Variants in PSMD1 observed in about 807,000 individuals in gnomAD.
PSMD1 encodes the protein 26S proteasome non-ATPase regulatory subunit 1.
In PSMD1, 18 loss-of-function variants were observed where a neutral mutation model predicts 119.0. The observed-to-expected ratio is 0.15, with a 90% CI of 0.10 to 0.22. The LOEUF (loss-of-function observed/expected upper bound fraction) is 0.22. Among genes scored for constraint, PSMD1 ranks in the 10% least tolerant of loss-of-function variants. PSMD1 has a pLI of 1.00. For synonymous variants in PSMD1, 374 were observed against 396.6 expected, an observed-to-expected ratio of 0.94 and a Z score of 0.68; for missense variants, 702 against 1,158.5, an observed-to-expected ratio of 0.61 and a Z score of 5.72.
chr2:231,141,538 T>A (rs1054217829), intron 17 of PSMD1, among the ~76,000 whole-genome samples: 1 of 150,270 alleles, frequency 6.7e-6, no homozygotes, highest in Non-Finnish European at 1.5e-5. Context: ...TAAGCAAGCC[T>A]CCCAATTAGC....
At chr2:231,079,393 T>C (rs1224497565) in intron 10 of PSMD1, 143 bp from the exon 11 acceptor site, 2 of 467,612 alleles carry the variant, frequency 4.3e-6, no homozygotes, top group Non-Finnish European at 3.9e-6. Context: ...AGAGTTAAAA[T>C]AGAATCAGTA....
At chr2:231,113,707 C>T (rs762340205) in intron 16 of PSMD1, 3 of 1,601,646 alleles carry the variant, frequency 1.9e-6, no homozygotes, top group Middle Eastern at 1.8e-4. Flanking sequence ...ATACCACCCA[C>T]ACTCTGGCAT....
chr2:231,131,044 C>G (rs1222720570), intron 16 of PSMD1, among the ~76,000 whole-genome samples: 1 of 152,116 alleles, frequency 6.6e-6, no homozygotes, highest in Non-Finnish European at 1.5e-5. Flanking sequence ...TTGCCTTGCC[C>G]TCTTTTTCTT....
intron 16 of PSMD1, among the ~76,000 whole-genome samples, chr2:231,092,633 A>G (rs1694623404): frequency 6.6e-6 from 1 of 152,162 alleles, no homozygotes; most frequent in Non-Finnish European, 1.5e-5. Flanking sequence ...TGATGCCACG[A>G]TGGATGAGGA....
rs79318958 is a variant in PSMD1 at position 231,130,907 on chromosome 2, A to G, written c.1884-7829A>G. On this transcript the variant is annotated intron_variant, in intron 16 of 24. Transcript: ENST00000308696. ...ATTTCGTGATGTTATCTAGAAGGCA[A>G]ATGTTTATACTGAAGAAAGATTTAG... Among the ~76,000 whole-genome samples the G allele has an allele frequency of 4.8e-3, 736 of 152,348 alleles. 5 individuals are homozygous for G. The highest frequency in any genetic ancestry group is 7.4e-3 in the Non-Finnish European group (502 of 68,032).
At chr2:231,109,905 CTT>C (rs1233851653) in intron 16 of PSMD1, among the ~76,000 whole-genome samples, 1 of 152,168 alleles carries the variant, frequency 6.6e-6, no homozygotes, top group African/African-American at 2.4e-5. Flanking sequence ...GTGTGAATGT[CTT>C]TTAATCCTTT....
intron 4 of PSMD1, among the ~76,000 whole-genome samples, chr2:231,065,372 A>G (rs1693878821): frequency 6.6e-6 from 1 of 150,692 alleles, no homozygotes; most frequent in Admixed American, 6.6e-5. Flanking sequence ...GGCTCACTGG[A>G]ACCTCCACCT....
intron 16 of PSMD1, among the ~76,000 whole-genome samples, chr2:231,091,565 C>G (rs1694594508): frequency 6.6e-6 from 1 of 152,150 alleles, no homozygotes; most frequent in Admixed American, 6.5e-5. Context: ...AACTCGTTTT[C>G]CAGCTTTGCA....
At position 231,170,436 on chromosome 2, in the gene PSMD1, G is replaced by A; in HGVS notation, c.2716-130G>A. On this transcript the variant is annotated intron_variant, in intron 23 of 24. Transcript: ENST00000308696. This position sits in a 1 kb window ranked among gnomAD's most constrained non-coding sequence, Gnocchi z 4.1. ...TCACAGTTATCTTTATCCCAGTAAA[G>A]TTCTACTCCAGTTTTTCACTTCCAA... The A allele has an allele frequency of 2.0e-6, 2 of 979,200 alleles. No individual in the cohort carries two copies. The highest frequency in any genetic ancestry group is 2.7e-5 in the East Asian group (1 of 37,564). 60.7% of individuals were successfully genotyped at this position (979,200 alleles called of 1,614,324 possible).
At chr2:231,061,352 T>C (rs765005400) in intron 2 of PSMD1, 42 bp downstream of exon 2, 3 of 1,443,828 alleles carry the variant, frequency 2.1e-6, no homozygotes, top group Non-Finnish European at 2.9e-6. Flanking sequence ...GTGTGAATAC[T>C]GTGAAGCCTT....
intron 7 of PSMD1, 85 bp downstream of exon 7, chr2:231,072,500 A>G (rs1694065068): frequency 1.6e-6 from 2 of 1,258,812 alleles, no homozygotes; most frequent in Admixed American, 2.2e-5. Flanking sequence ...TAGGAAGCAT[A>G]TTCTAAGAAT....
At chr2:231,161,227 C>T in intron 19 of PSMD1, 113 bp from the exon 20 acceptor site, 1 of 1,054,960 alleles carries the variant, frequency 9.5e-7, no homozygotes, top group South Asian at 1.7e-5. Flanking sequence ...AACAGTGAGA[C>T]CCTATCTCTT....
intron 17 of PSMD1, among the ~76,000 whole-genome samples, chr2:231,142,177 C>G (rs1273166378): frequency 6.6e-6 from 1 of 152,190 alleles, no homozygotes; most frequent in Non-Finnish European, 1.5e-5. Flanking sequence ...GCCACTGTGC[C>G]CGGCCAGTTT....
intron 15 of PSMD1, among the ~76,000 whole-genome samples, chr2:231,086,137 C>A (rs540879820): frequency 6.6e-6 from 1 of 152,068 alleles, no homozygotes; most frequent in African/African-American, 2.4e-5. Flanking sequence ...AACTACTGGG[C>A]TCAAGTGATC....
chr2:231,153,353 G>A, intron 18 of PSMD1: 1 of 521,360 alleles, frequency 1.9e-6, no homozygotes, highest in Non-Finnish European at 3.4e-6. Context: ...GAGGATTCAA[G>A]ACAGAGCTGG....
At chr2:231,068,359 C>T (rs1693956624) in intron 5 of PSMD1, among the ~76,000 whole-genome samples, 1 of 152,062 alleles carries the variant, frequency 6.6e-6, no homozygotes, top group East Asian at 1.9e-4. Flanking sequence ...CAGTTTTAGC[C>T]CATCCTTGTC....
At position 231,056,927 on chromosome 2, in the gene PSMD1, G is replaced by T; in HGVS notation, c.-99G>T. On this transcript the variant is annotated 5_prime_UTR_variant, in exon 1 of 25. Coordinates refer to ENST00000308696, the MANE Select transcript of PSMD1 (RefSeq NM_002807.4). The stretch of plus-strand genomic sequence containing the variant: ...CGACTGACTGAGCAGCGCACCCGGG[G>T]AGCAAGGAGGCGCGGTGAACTGAGC... The T allele has an allele frequency of 1.3e-6, 2 of 1,483,824 alleles. No homozygotes were observed. Among genetic ancestry groups the T allele is most frequent in the Admixed American group, 2.0e-5 (1 of 50,484 alleles). 91.9% of individuals were successfully genotyped at this position (1,483,824 alleles called of 1,614,324 possible). A position where few individuals can be genotyped will look rare whatever the true frequency, so the allele number is the denominator to read the frequency against.
chr2:231,167,512 G>A (rs1696815692), intron 23 of PSMD1, among the ~76,000 whole-genome samples: 1 of 152,168 alleles, frequency 6.6e-6, no homozygotes, highest in African/African-American at 2.4e-5. Flanking sequence ...TGAATTAAAA[G>A]ACTGCCTATG....
chr2:231,131,276 A>G lies in PSMD1; in HGVS notation c.1884-7460A>G, dbSNP rs1294153639. On this transcript the variant is annotated intron_variant, in intron 16 of 24. Coordinates refer to ENST00000308696, the MANE Select transcript of PSMD1 (RefSeq NM_002807.4). ...GGTACACACAGTTATTTCCATTTTC[A>G]TGATGTTAGCAGTCGTTGATAATCA... is the stretch of plus-strand genomic sequence containing the variant. Among the ~76,000 whole-genome samples the G allele has an allele frequency of 3.9e-5, 6 of 152,128 alleles. No individual in the cohort carries two copies. In the South Asian group the frequency reaches 8.3e-4, roughly 21 times the overall value.
Sources: allele counts gnomAD v4.1 joint callset (sites outside exome capture counted in the v4.1 genomes callset), GRCh38; gene constraint gnomAD v4.1.1; non-coding constraint Gnocchi (gnomAD v3.1); transcripts MANE v1.5; gene names NCBI Gene and HGNC (gene_info 2026-07-23, HGNC 2026-07-21).